Variants in TMEM67 observed in about 807,000 individuals in gnomAD.
TMEM67 encodes the protein transmembrane protein 67, also known as meckelin.
A neutral mutation model predicts 136.6 loss-of-function variants in TMEM67; 124 were observed. The observed-to-expected ratio is 0.91, with a 90% CI of 0.78 to 1.05. The LOEUF is 1.05. TMEM67 is among the 50% of genes least tolerant of loss of function. The pLI, the probability that TMEM67 is intolerant of heterozygous loss-of-function variation, is 0.00. For synonymous variants in TMEM67, 364 were observed against 390.5 expected (o/e 0.93, Z 0.80); for missense variants, 1,107 against 1,178.4 (o/e 0.94, Z 0.89).
At chr8:93,760,132 C>T (rs1233177384) in intron 3 of TMEM67, 1 of 517,030 alleles carries the variant, frequency 1.9e-6, no homozygotes, top group Non-Finnish European at 2.9e-6. Flanking sequence ...TAAATTCTAT[C>T]AGGATATTAT....
intron 13 of TMEM67, 24 bp from the exon 14 acceptor site, chr8:93,787,820 A>G (rs1349146325): frequency 6.5e-6 from 10 of 1,538,794 alleles, no homozygotes; most frequent in Admixed American, 5.0e-5. Context: ...ACTGATTACT[A>G]TAAATGCATT....
At chr8:93,759,136 A>T (rs1434686643) in intron 3 of TMEM67, 2 of 152,314 alleles carry the variant, frequency 1.3e-5, no homozygotes, top group Non-Finnish European at 2.9e-5. Context: ...CTGGAAAAGG[A>T]TGCAAACTAT....
chr8:93,809,991 C>G, intron 26 of TMEM67, 104 bp downstream of exon 26: 1 of 650,380 alleles, frequency 1.5e-6, no homozygotes. Context: ...TTTTTTTAGA[C>G]GGCGTCTTGC....
chr8:93,809,967 T>G, intron 26 of TMEM67, 80 bp downstream of exon 26: 1 of 917,978 alleles, frequency 1.1e-6, no homozygotes, highest in East Asian at 2.6e-5. Flanking sequence ...ATTTTTCTTT[T>G]TTTCTTTTTT....
At chr8:93,784,903 T>G (rs772428695) in intron 11 of TMEM67, among the ~76,000 whole-genome samples, 2 of 152,202 alleles carry the variant, frequency 1.3e-5, no homozygotes, top group African/African-American at 2.4e-5. Context: ...TTTTCACTGA[T>G]GTACCCTTAA....
intron 1 of TMEM67, among the ~76,000 whole-genome samples, chr8:93,755,387 A>G (rs1230361527): frequency 6.6e-6 from 1 of 152,254 alleles, no homozygotes; most frequent in Admixed American, 6.5e-5. Flanking sequence ...GTAGTTTAAT[A>G]GTTTAGTTAT....
At chr8:93,783,728 G>A (rs774685985) in intron 11 of TMEM67, among the ~76,000 whole-genome samples, 1 of 152,214 alleles carries the variant, frequency 6.6e-6, no homozygotes, top group Non-Finnish European at 1.5e-5. Flanking sequence ...TACAATCATG[G>A]TGGAAGGGAA....
At chr8:93,830,461 A>G in the TMEM67 span, among the ~76,000 whole-genome samples, 1 of 152,158 alleles carries the variant, frequency 6.6e-6, no homozygotes, top group Admixed American at 6.5e-5. Context: ...CTGACATGTG[A>G]CTGGTATCTG....
chr8:93,779,812 G>A (rs543932519), intron 7 of TMEM67, among the ~76,000 whole-genome samples: 380 of 152,316 alleles, frequency 2.5e-3, no homozygotes, highest in Non-Finnish European at 3.7e-3. Context: ...GTGTCTCCCA[G>A]TTAGGCTACA....
At chr8:93,819,118 G>A (rs3133973), downstream of TMEM67, 284,400 of 452,680 alleles carry the variant, frequency 0.63, 90,952 homozygotes, top group East Asian at 0.84. Flanking sequence ...TAGTTTCTTA[G>A]AATGTGCTTT....
Position 93,809,134 on chromosome 8 carries a change from T to G in TMEM67, c.2634T>G (p.Asn878Lys), listed in dbSNP as rs192288680. 1.6e-5 allele frequency: 26 copies of G among 1,604,580 alleles called. No individual in the cohort carries two copies. In the East Asian group the frequency reaches 4.0e-4, roughly 25 times the overall value. The change falls in exon 25 of 28, where the codon AAT (asparagine) becomes AAG (lysine). Residue 878 changes from asparagine to lysine, a missense_variant. This residue lies in a region of TMEM67 where 925 missense variants were observed against 1,002.4 expected (regional missense o/e 0.92). Coordinates refer to ENST00000453321, the MANE Select transcript of TMEM67 (RefSeq NM_153704.6). ...EQSIKAYHMM[N>K]KFLGSFIDHV... ...GTATAAAAGCATATCATATGATGAA[T>G]AAATTTCTTGGCTCCTTCATTGACC...
chr8:93,814,490 T>TTGC (rs1048499623), intron 26 of TMEM67, among the ~76,000 whole-genome samples: 3 of 151,290 alleles, frequency 2.0e-5, no homozygotes, highest in Non-Finnish European at 2.9e-5. Flanking sequence ...TGACAGGTTC[T>TTGC]TGCTCTGTTG....
intron 6 of TMEM67, among the ~76,000 whole-genome samples, chr8:93,770,364 A>G (rs1487914705): frequency 6.6e-6 from 1 of 152,186 alleles, no homozygotes; most frequent in East Asian, 1.9e-4. Context: ...ATCACACCCA[A>G]GGAATTTAAA....
In TMEM67 at chr8:93,809,978, T is replaced by G. The variant is rs929055253; in HGVS notation, c.2764+91T>G. ...AGATATTTTTCTTTTTTTCTTTTTT[T>G]TTTTTTTTTAGACGGCGTCTTGCTC... On this transcript the variant is annotated intron_variant, in intron 26 of 27. Coordinates refer to ENST00000453321, the MANE Select transcript of TMEM67 (RefSeq NM_153704.6). 14 of 827,248 alleles carry G rather than the reference T, an allele frequency of 1.7e-5. No individual in the cohort carries two copies. In the Admixed American group the frequency reaches 2.4e-4, roughly 14 times the overall value. The allele number at this position is 827,248 out of a possible 1,614,324, so 51.2% of individuals were successfully genotyped here.
intron 2 of TMEM67, 176 bp downstream of exon 2, chr8:93,756,042 G>A: frequency 6.8e-5 from 33 of 486,418 alleles, no homozygotes; most frequent in Middle Eastern, 5.4e-4. Context: ...ATGCAAACTT[G>A]GAGAAAACAG....
intron 14 of TMEM67, among the ~76,000 whole-genome samples, chr8:93,788,829 C>T (rs1814239607): frequency 6.6e-6 from 1 of 152,172 alleles, no homozygotes; most frequent in Non-Finnish European, 1.5e-5. Context: ...GCCTCTCCTG[C>T]CTGGGAGGGC....
Position 93,809,806 on chromosome 8 carries a change from T to C in TMEM67, c.2683T>C (p.Phe895Leu), listed in dbSNP as rs1341773845. 3 of 1,593,592 alleles carry C rather than the reference T, an allele frequency of 1.9e-6. No homozygotes were observed. Among genetic ancestry groups the C allele is most frequent in the Admixed American group, 3.3e-5 (2 of 59,890 alleles). ...TTAGGTTCATAAGGAAATGGATTACTTTATAAAAGATAAGTTGCTTCTTGA... is the reference window on the plus strand; with the variant it reads ...TTAGGTTCATAAGGAAATGGATTACCTTATAAAAGATAAGTTGCTTCTTGA... ...IDHVHKEMDY[F>L]IKDKLLLERI... The change falls in exon 26 of 28, where the codon TTT becomes CTT. Residue 895 changes from phenylalanine to leucine, a missense_variant. Phe to Leu is a conservative substitution (Grantham distance 22). Transcript: ENST00000453321.
At position 93,786,153 on chromosome 8, in the gene TMEM67, C is replaced by A. The variant is rs956462208; in HGVS notation, c.1289-70C>A. ...TCTTATACTAGTAGCTTTTTGCAGC[C>A]ATCTTATCTAAAACAATAATTTCAT... On this transcript the variant is annotated intron_variant, in intron 12 of 27. Transcript: ENST00000453321. The A allele has an allele frequency of 2.0e-6, 3 of 1,489,934 alleles. No individual in the cohort carries two copies. The African/African-American group carries it at 4.2e-5, about 21-fold the overall frequency. 92.3% of individuals were successfully genotyped at this position (1,489,934 alleles called of 1,614,324 possible). A position where few individuals can be genotyped will look rare whatever the true frequency, so the allele number is the denominator to read the frequency against.
In TMEM67 at chr8:93,809,794, G is replaced by A. The variant is rs773145487; in HGVS notation, c.2671G>A (p.Glu891Lys). ...LGSFIDHVHK[E>K]MDYFIKDKLL... ...TCTTTTTCTTTATTAGGTTCATAAGGAAATGGATTACTTTATAAAAGATAA... is the reference window on the plus strand; with the variant it reads ...TCTTTTTCTTTATTAGGTTCATAAGAAAATGGATTACTTTATAAAAGATAA... The change falls in exon 26 of 28, where the codon GAA becomes AAA. Residue 891 changes from glutamate (E) to lysine (K), a missense_variant. Coordinates refer to ENST00000453321, the MANE Select transcript of TMEM67 (RefSeq NM_153704.6). 3.2e-6 allele frequency: 5 copies of A among 1,562,280 alleles called. No individual in the cohort carries two copies. In the South Asian group the frequency reaches 5.6e-5, roughly 17 times the overall value.
Sources: allele counts gnomAD v4.1 joint callset (sites outside exome capture counted in the v4.1 genomes callset), GRCh38; gene constraint gnomAD v4.1.1; regional missense constraint gnomAD v4.1.1; transcripts MANE v1.5; gene names NCBI Gene and HGNC (gene_info 2026-07-23, HGNC 2026-07-21).